SPHKAP: variants seen among roughly 807,000 people sequenced by gnomAD.
SPHKAP encodes the protein A-kinase anchor protein SPHKAP.
SPHKAP carries 67 observed loss-of-function variants against 137.5 expected under a neutral mutation model. The observed-to-expected ratio is 0.49, with a 90% CI of 0.40 to 0.60. The LOEUF (loss-of-function observed/expected upper bound fraction) is 0.60. Among genes scored for constraint, SPHKAP ranks in the 20% least tolerant of loss-of-function variants. The pLI is 0.00. For synonymous variants in SPHKAP, 813 were observed against 785.3 expected (o/e 1.04, Z -0.59); for missense variants, 2,097 against 2,069.3 (o/e 1.01, Z -0.26).
chr2:228,160,685 C>A (rs893263722), intron 1 of SPHKAP, among the ~76,000 whole-genome samples: 1 of 152,298 alleles, frequency 6.6e-6, no homozygotes, highest in Middle Eastern at 3.4e-3. Context: ...ACAGCTAAAT[C>A]ATATCACCAA....
chr2:228,027,949 A>G (rs2106231560), intron 3 of SPHKAP: 1 of 922,384 alleles, frequency 1.1e-6, no homozygotes, highest in South Asian at 5.1e-5. Flanking sequence ...CGACAGTGTG[A>G]GACTGCATCT....
chr2:228,100,102 G>A (rs910307691), intron 3 of SPHKAP, among the ~76,000 whole-genome samples: 2 of 152,092 alleles, frequency 1.3e-5, no homozygotes, highest in African/African-American at 4.8e-5. Flanking sequence ...CACCCGCCTC[G>A]GCCTCCCAAA....
chr2:228,181,476 G>C lies in SPHKAP; in HGVS notation c.32+91C>G. The C allele has an allele frequency of 6.3e-7, 1 of 1,586,228 alleles. No individual in the cohort carries two copies. ...CCTCGCTGGGAGCCCCGTGCAAACC[G>C]AAGCGCTCTGGGGCAAGTTGGTGAG... On this transcript the variant is annotated intron_variant, in intron 1 of 11. Coordinates refer to ENST00000392056, the MANE Select transcript of SPHKAP (RefSeq NM_001142644.2). The surrounding 1 kb of genome is among the most constrained non-coding windows in gnomAD (Gnocchi z 4.3).
chr2:228,116,141 C>G (rs1035445659), intron 2 of SPHKAP, among the ~76,000 whole-genome samples: 1 of 152,118 alleles, frequency 6.6e-6, no homozygotes, highest in Non-Finnish European at 1.5e-5. Context: ...TTTGTGATAG[C>G]AGCTCTGACA....
chr2:227,980,422 A>G lies in SPHKAP; in HGVS notation c.*1295T>C, dbSNP rs1271106249. The G allele has an allele frequency of 6.6e-6, 1 of 152,226 alleles. No homozygotes were observed. The highest frequency in any genetic ancestry group is 1.5e-5 in the Non-Finnish European group (1 of 68,034). The allele number at this position is 152,226 out of a possible 1,614,324, so 9.4% of individuals were successfully genotyped here. A position where few individuals can be genotyped will look rare whatever the true frequency, so the allele number is the denominator to read the frequency against. Reference sequence around the variant, plus strand: ...AAATTACTTTGTGATCTTTAAAAATAGAGTAAAAGTATAGTTATCCAGAAG... The same window carrying G: ...AAATTACTTTGTGATCTTTAAAAATGGAGTAAAAGTATAGTTATCCAGAAG... On this transcript the variant is annotated 3_prime_UTR_variant, in exon 12 of 12. Transcript: ENST00000392056.
chr2:228,070,456 A>G (rs1356283035), intron 3 of SPHKAP, among the ~76,000 whole-genome samples: 1 of 152,054 alleles, frequency 6.6e-6, no homozygotes, highest in Non-Finnish European at 1.5e-5. Flanking sequence ...TCATTTCTGT[A>G]AAAATGTTTT....
chr2:228,153,694 T>C (rs1700007650), intron 1 of SPHKAP, among the ~76,000 whole-genome samples: 1 of 152,232 alleles, frequency 6.6e-6, no homozygotes, highest in African/African-American at 2.4e-5. Flanking sequence ...CTTATTTTCT[T>C]ATCAACTTTT....
intron 3 of SPHKAP, among the ~76,000 whole-genome samples, chr2:228,069,571 C>T (rs1183405798): frequency 1.3e-5 from 2 of 151,574 alleles, no homozygotes; most frequent in African/African-American, 2.4e-5. Context: ...CAGGTGTGAG[C>T]CACTGTACTG....
rs1269402687 is a variant in SPHKAP, at chr2:228,018,219, T to C, written c.2635A>G (p.Ile879Val). Residue 879 changes from isoleucine to valine, a missense_variant, in exon 7 of 12, where the codon ATC becomes GTC. Ile to Val is a conservative substitution (Grantham distance 29). Coordinates refer to ENST00000392056, the MANE Select transcript of SPHKAP (RefSeq NM_001142644.2). ...TACTTTTCTTGGGTGTTTGGGTGGA[T>C]ACTCTCCTCAGCCTCCTGGGAACCA... is the stretch of plus-strand genomic sequence containing the variant. ...RSGSQEAEESIHPNTQEKYNC... is the reference protein window; with the variant it reads ...RSGSQEAEESVHPNTQEKYNC... The C allele has an allele frequency of 1.2e-6, 2 of 1,614,154 alleles. No homozygotes were observed. The highest frequency in any genetic ancestry group is 1.7e-6 in the Non-Finnish European group (2 of 1,180,030).
intron 2 of SPHKAP, among the ~76,000 whole-genome samples, chr2:228,115,545 A>G (rs1698682412): frequency 6.6e-6 from 1 of 152,152 alleles, no homozygotes; most frequent in African/African-American, 2.4e-5. Context: ...AACAATTAGC[A>G]ATTATTTAAG....
At chr2:228,053,356 A>G (rs1419245239) in intron 3 of SPHKAP, among the ~76,000 whole-genome samples, 2 of 152,260 alleles carry the variant, frequency 1.3e-5, no homozygotes, top group Non-Finnish European at 2.9e-5. Context: ...GGGCTTTAGC[A>G]TATTAATTTC....
chr2:228,014,881 C>CT (rs1010727797), intron 7 of SPHKAP, among the ~76,000 whole-genome samples: 2 of 152,014 alleles, frequency 1.3e-5, no homozygotes, highest in African/African-American at 4.8e-5. Context: ...AGCCCAGTAG[C>CT]TTAATTTTTT....
chr2:228,040,180 A>G (rs1286664867), intron 3 of SPHKAP, among the ~76,000 whole-genome samples: 1 of 152,218 alleles, frequency 6.6e-6, no homozygotes, highest in Non-Finnish European at 1.5e-5. Flanking sequence ...TTCTTAGAAG[A>G]AAACCAATTC....
At chr2:227,990,329 T>C (rs550710956) in intron 11 of SPHKAP, among the ~76,000 whole-genome samples, 1 of 152,362 alleles carries the variant, frequency 6.6e-6, no homozygotes, top group Non-Finnish European at 1.5e-5. Flanking sequence ...TATGTTATTA[T>C]TAATTTGAAA....
At chr2:228,094,474 T>C (rs1465477302) in intron 3 of SPHKAP, among the ~76,000 whole-genome samples, 1 of 152,222 alleles carries the variant, frequency 6.6e-6, no homozygotes, top group Non-Finnish European at 1.5e-5. Context: ...TACATTCTAT[T>C]TGTTTAGCAT....
intron 3 of SPHKAP, among the ~76,000 whole-genome samples, chr2:228,084,593 C>T (rs969551962): frequency 3.3e-5 from 5 of 152,278 alleles, no homozygotes; most frequent in African/African-American, 1.2e-4. Flanking sequence ...TCCTGTGGAG[C>T]TTTGTTTTAG....
chr2:227,993,398 C>T lies in SPHKAP; in HGVS notation c.4721+136G>A. The T allele has an allele frequency of 5.1e-6, 4 of 787,658 alleles. 1 individual carries two copies. Among genetic ancestry groups the T allele is most frequent in the African/African-American group, 1.7e-5 (1 of 58,758 alleles). The allele number at this position is 787,658 out of a possible 1,614,324, so 48.8% of individuals were successfully genotyped here. On this transcript the variant is annotated intron_variant, in intron 9 of 11. Coordinates refer to ENST00000392056, the MANE Select transcript of SPHKAP (RefSeq NM_001142644.2). The stretch of plus-strand genomic sequence containing the variant: ...GGGCCTATTCTAGGCTTGAATTCTT[C>T]CTCCAGTGACATGGAACCACAGCAG...
At chr2:228,021,601 G>A in intron 6 of SPHKAP, 110 bp downstream of exon 6, 7 of 1,285,068 alleles carry the variant, frequency 5.4e-6, no homozygotes, top group Admixed American at 4.5e-5. Flanking sequence ...AGCAAGTAAA[G>A]ACTGTGATGT....
At chr2:228,178,704 C>T (rs754271499) in intron 1 of SPHKAP, among the ~76,000 whole-genome samples, 7 of 151,740 alleles carry the variant, frequency 4.6e-5, no homozygotes, top group Non-Finnish European at 1.0e-4. Context: ...CACTTGGATT[C>T]CAGGTCTATA....
Sources: allele counts gnomAD v4.1 joint callset (sites outside exome capture counted in the v4.1 genomes callset), GRCh38; gene constraint gnomAD v4.1.1; non-coding constraint Gnocchi (gnomAD v3.1); transcripts MANE v1.5; gene names NCBI Gene and HGNC (gene_info 2026-07-23, HGNC 2026-07-21).